GNG12: variants seen among roughly 807,000 people sequenced by gnomAD.
The protein encoded by GNG12 is G protein subunit gamma 12, also known as guanine nucleotide-binding protein G(I)/G(S)/G(O) subunit gamma-12.
For synonymous variants in GNG12, 28 were observed against 29.7 expected (o/e 0.94, Z 0.19); for missense variants, 69 against 83.8 (o/e 0.82, Z 0.69).
intron 2 of GNG12, among the ~76,000 whole-genome samples, chr1:67,758,852 G>C (rs1369817248): frequency 6.6e-6 from 1 of 152,148 alleles, no homozygotes; most frequent in Non-Finnish European, 1.5e-5. Context: ...ACCTCATGGA[G>C]GTAGAGACTA....
intron 2 of GNG12, among the ~76,000 whole-genome samples, chr1:67,743,821 C>G (rs1646495151): frequency 6.6e-6 from 1 of 152,138 alleles, no homozygotes; most frequent in African/African-American, 2.4e-5. Flanking sequence ...AGTCATCCAG[C>G]TTTTTACAAG....
intron 1 of GNG12, among the ~76,000 whole-genome samples, chr1:67,832,033 T>C (rs1419668683): frequency 6.6e-6 from 1 of 152,204 alleles, no homozygotes; most frequent in Non-Finnish European, 1.5e-5. Flanking sequence ...AGACCCTGCC[T>C]CTGACGACAT....
chr1:67,709,373 A>C lies in GNG12; in HGVS notation c.-26-1661T>G, dbSNP rs182753837. On this transcript the variant is annotated intron_variant, in intron 2 of 3. Coordinates refer to ENST00000370982, the MANE Select transcript of GNG12 (RefSeq NM_018841.6). Reference sequence around the variant, plus strand: ...CCTCAAGGGTTTTGATTGAGCGGGTATGGGTGGGGCTATCGGCACCAGCCC... The same window carrying C: ...CCTCAAGGGTTTTGATTGAGCGGGTCTGGGTGGGGCTATCGGCACCAGCCC... 1.8e-3 allele frequency among the ~76,000 whole-genome samples: 276 copies of C among 152,242 alleles called. 1 individual carries two copies. Among genetic ancestry groups the C allele is most frequent in the African/African-American group, 6.2e-3 (258 of 41,544 alleles).
chr1:67,764,381 G>A (rs1370925507), intron 2 of GNG12, among the ~76,000 whole-genome samples: 3 of 152,100 alleles, frequency 2.0e-5, no homozygotes, highest in African/African-American at 2.4e-5. Flanking sequence ...CTAAAAATAC[G>A]AACCCTTATT....
chr1:67,725,739 C>T (rs970920944), intron 2 of GNG12, among the ~76,000 whole-genome samples: 1 of 152,222 alleles, frequency 6.6e-6, no homozygotes, highest in Non-Finnish European at 1.5e-5. Flanking sequence ...ATTTACATAA[C>T]ATGGCACCCA....
chr1:67,784,839 T>C (rs1443430486), intron 1 of GNG12, among the ~76,000 whole-genome samples: 3 of 152,210 alleles, frequency 2.0e-5, no homozygotes, highest in Non-Finnish European at 2.9e-5. Context: ...AGAGCTATGA[T>C]ATTGCTTCTT....
intron 2 of GNG12, among the ~76,000 whole-genome samples, chr1:67,766,662 A>T (rs1046473113): frequency 6.7e-6 from 1 of 149,396 alleles, no homozygotes; most frequent in Non-Finnish European, 1.5e-5. Flanking sequence ...AAGCCAGGTG[A>T]AGCCTCACAC....
intron 1 of GNG12, chr1:67,832,413 A>G (rs1647052265): frequency 6.6e-6 from 1 of 152,198 alleles, no homozygotes; most frequent in Non-Finnish European, 1.5e-5. Context: ...CGGCGACGTG[A>G]ACAAGAATCA....
Position 67,761,104 on chromosome 1 carries a change from T to C in GNG12, c.-27+16354A>G, listed in dbSNP as rs769167419. Among the ~76,000 whole-genome samples the C allele has an allele frequency of 3.8e-4, 58 of 152,216 alleles. 1 individual carries two copies. The highest frequency in any genetic ancestry group is 1.3e-4 in the Non-Finnish European group (9 of 68,028). On this transcript the variant is annotated intron_variant, in intron 2 of 3. Coordinates refer to ENST00000370982, the MANE Select transcript of GNG12 (RefSeq NM_018841.6). ...AGACCTCTTTCCAGATCAGTTTCCC[T>C]TCACTTCTAGGATTCTGGGGTAAAG...
At chr1:67,809,601 T>C (rs1421998453) in intron 1 of GNG12, among the ~76,000 whole-genome samples, 1 of 152,090 alleles carries the variant, frequency 6.6e-6, no homozygotes, top group Non-Finnish European at 1.5e-5. Context: ...AATAATTTGA[T>C]TGAAAAATGA....
intron 1 of GNG12, among the ~76,000 whole-genome samples, chr1:67,811,659 C>T (rs746387738): frequency 8.5e-5 from 13 of 152,182 alleles, no homozygotes; most frequent in Non-Finnish European, 1.5e-4. Flanking sequence ...CTTGATGTTA[C>T]ACTGCCTGTT....
chr1:67,772,828 T>G (rs1646682552), intron 2 of GNG12, among the ~76,000 whole-genome samples: 1 of 152,200 alleles, frequency 6.6e-6, no homozygotes, highest in South Asian at 2.1e-4. Flanking sequence ...GGTCCCTCCT[T>G]GGTACTCACT....
At chr1:67,828,538 G>A (rs987037322) in intron 1 of GNG12, among the ~76,000 whole-genome samples, 9 of 152,142 alleles carry the variant, frequency 5.9e-5, no homozygotes, top group South Asian at 2.1e-4. Flanking sequence ...GACTGTATAC[G>A]GGAAGAGTTT....
chr1:67,803,554 G>A (rs540877175), intron 1 of GNG12, among the ~76,000 whole-genome samples: 19 of 152,192 alleles, frequency 1.2e-4, no homozygotes, highest in Non-Finnish European at 2.1e-4. Flanking sequence ...CTTTCTTCAT[G>A]GGTGAGCCTC....
intron 1 of GNG12, among the ~76,000 whole-genome samples, chr1:67,830,497 G>A (rs898841108): frequency 6.6e-6 from 1 of 151,994 alleles, no homozygotes; most frequent in African/African-American, 2.4e-5. Context: ...GTAAATAACC[G>A]GATACCCTTG....
intron 2 of GNG12, among the ~76,000 whole-genome samples, chr1:67,753,136 AAT>A (rs1321883034): frequency 5.3e-5 from 8 of 152,332 alleles, no homozygotes; most frequent in Admixed American, 5.2e-4. Context: ...AACACTGCTG[AAT>A]ATAGAGTGGG....
chr1:67,789,910 ATG>A (rs1646791958), intron 1 of GNG12, among the ~76,000 whole-genome samples: 1 of 152,202 alleles, frequency 6.6e-6, no homozygotes, highest in South Asian at 2.1e-4. Flanking sequence ...AAAGTATCCC[ATG>A]CTAGTTTTGG....
chr1:67,730,976 C>G (rs1233924286), intron 2 of GNG12, among the ~76,000 whole-genome samples: 1 of 152,124 alleles, frequency 6.6e-6, no homozygotes, highest in African/African-American at 2.4e-5. Context: ...TATTCCATAG[C>G]ATTCATCCAG....
chr1:67,728,295 T>G (rs1646398798), intron 2 of GNG12, among the ~76,000 whole-genome samples: 1 of 152,218 alleles, frequency 6.6e-6, no homozygotes, highest in Non-Finnish European at 1.5e-5. Flanking sequence ...GCACTCCTAG[T>G]TAAGAGCCAT....
Sources: gnomAD v4.1 joint callset for allele counts (sites outside exome capture counted in the v4.1 genomes callset) on GRCh38, gnomAD v4.1.1 for gene constraint, MANE v1.5 for transcripts, NCBI Gene and HGNC (gene_info 2026-07-23, HGNC 2026-07-21) for gene names.